Variants in PCDH11Y observed in about 807,000 individuals in gnomAD.
PCDH11Y encodes the protein protocadherin 11 Y-linked.
For synonymous variants in PCDH11Y, 9 were observed against 83.6 expected, an observed-to-expected ratio of 0.11 and a Z score of 4.87; for missense variants, 12 against 224.8, an observed-to-expected ratio of 0.05 and a Z score of 6.05.
chrY:5,007,163 C>T (rs867904352), intron 1 of PCDH11Y, among the ~76,000 whole-genome samples: 12 of 31,446 alleles, frequency 3.8e-4, no homozygotes, highest in Admixed American at 1.8e-3. Flanking sequence ...TTTAAACTGC[C>T]CTTTTAATTG....
chrY:5,472,577 C>T (rs2053315028), intron 2 of PCDH11Y, among the ~76,000 whole-genome samples: 1 of 32,243 alleles, frequency 3.1e-5, no homozygotes, highest in Non-Finnish European at 7.7e-5. Context: ...TCCCATGCTA[C>T]GTCACTCACA....
At chrY:5,257,336 C>T (rs2053012469) in intron 2 of PCDH11Y, among the ~76,000 whole-genome samples, 18 of 33,455 alleles carry the variant, frequency 5.4e-4, no homozygotes, top group African/African-American at 9.3e-4. Flanking sequence ...CTATGATGTA[C>T]CACATCAATT....
intron 4 of PCDH11Y, among the ~76,000 whole-genome samples, chrY:5,594,864 G>A: frequency 6.0e-5 from 2 of 33,258 alleles, no homozygotes; most frequent in African/African-American, 2.3e-4. Flanking sequence ...GTCAAGCCTC[G>A]GGGGTGAGAG....
intron 2 of PCDH11Y, among the ~76,000 whole-genome samples, chrY:5,322,453 A>G (rs2053114204): frequency 3.1e-5 from 1 of 32,280 alleles, no homozygotes; most frequent in Non-Finnish European, 7.5e-5. Flanking sequence ...ACCTAATACA[A>G]TGTAAATGCT....
At chrY:5,329,661 G>A in intron 2 of PCDH11Y, among the ~76,000 whole-genome samples, 3 of 32,802 alleles carry the variant, frequency 9.1e-5, no homozygotes, top group South Asian at 7.1e-4. Flanking sequence ...CGTGACCGGC[G>A]CCGGAGTTTT....
intron 3 of PCDH11Y, among the ~76,000 whole-genome samples, chrY:5,575,363 A>T: frequency 3.1e-5 from 1 of 32,529 alleles, no homozygotes. Context: ...TAATAAATAG[A>T]CAAGAGATTG....
chrY:5,726,134 T>A (rs1387672709), intron 4 of PCDH11Y, among the ~76,000 whole-genome samples: 2 of 31,920 alleles, frequency 6.3e-5, no homozygotes, highest in African/African-American at 1.2e-4. Context: ...GGAAAACAAT[T>A]TGGCAGTTCC....
At chrY:5,091,249 C>T in intron 1 of PCDH11Y, among the ~76,000 whole-genome samples, 1 of 33,071 alleles carries the variant, frequency 3.0e-5, no homozygotes, top group Non-Finnish European at 7.5e-5. Context: ...GAATCTGAAG[C>T]GAGACAGAGA....
chrY:5,621,932 G>T, intron 4 of PCDH11Y, among the ~76,000 whole-genome samples: 1 of 33,170 alleles, frequency 3.0e-5, no homozygotes, highest in Non-Finnish European at 7.4e-5. Context: ...ACTATAAAAA[G>T]CCTAGAAGAA....
At chrY:5,108,701 G>C (rs1602869022), downstream of PCDH11Y, among the ~76,000 whole-genome samples, 10 of 24,336 alleles carry the variant, frequency 4.1e-4, no homozygotes, top group East Asian at 2.0e-3. Context: ...GAGCCGAGAT[G>C]GCGCCACTGC....
Position 5,656,440 on chromosome Y carries a change from A to AT in PCDH11Y, c.3352+74655dup, listed in dbSNP as rs1219341715. ...TAACTTCACGTGATCCCGTTTGTCC[A>AT]TTTTTTTTTTTTTGCTTCATTTCCT... On this transcript the variant is annotated intron_variant, in intron 4 of 4. Transcript: ENST00000400457. Among the ~76,000 whole-genome samples, 184 of 24,183 alleles carry AT rather than the reference A, an allele frequency of 7.6e-3. No individual in the cohort carries two copies. The Middle Eastern group carries it at 0.18, about 24-fold the overall frequency. The allele number at this position is 24,183 out of a possible 37,273, so 64.9% of individuals were successfully genotyped here. A position where few individuals can be genotyped will look rare whatever the true frequency, so the allele number is the denominator to read the frequency against.
chrY:5,014,799 C>A, intron 1 of PCDH11Y, among the ~76,000 whole-genome samples: 1 of 32,592 alleles, frequency 3.1e-5, no homozygotes, highest in African/African-American at 1.2e-4. Context: ...TGGTAGGTTT[C>A]AAGTTTCTAA....
intron 3 of PCDH11Y, among the ~76,000 whole-genome samples, chrY:5,527,131 C>T: frequency 6.1e-5 from 2 of 32,765 alleles, no homozygotes; most frequent in Admixed American, 2.8e-4. Context: ...GTGCATCCTC[C>T]GTAGACTGTC....
At chrY:5,260,793 G>A in intron 2 of PCDH11Y, among the ~76,000 whole-genome samples, 1 of 31,702 alleles carries the variant, frequency 3.2e-5, no homozygotes, top group Non-Finnish European at 7.6e-5. Context: ...GTATTGAGGA[G>A]TTAGGTGTTT....
At chrY:5,245,398 G>T in intron 2 of PCDH11Y, among the ~76,000 whole-genome samples, 1 of 32,546 alleles carries the variant, frequency 3.1e-5, no homozygotes, top group Non-Finnish European at 7.5e-5. Context: ...CCAGAGGGAG[G>T]AGCATGCACC....
intron 2 of PCDH11Y, among the ~76,000 whole-genome samples, chrY:5,138,517 GA>G (rs2052843867): frequency 3.0e-5 from 1 of 33,448 alleles, no homozygotes; most frequent in South Asian, 6.5e-4. Flanking sequence ...GATTAACCAA[GA>G]AAAGAATAGA....
intron 2 of PCDH11Y, among the ~76,000 whole-genome samples, chrY:5,125,990 G>A: frequency 6.0e-5 from 2 of 33,063 alleles, no homozygotes; most frequent in Admixed American, 5.7e-4. Context: ...GAATGAGATG[G>A]TGGAGGGGAT....
At chrY:5,504,917 AAT>A (rs2053357660) in intron 3 of PCDH11Y, among the ~76,000 whole-genome samples, 1 of 33,217 alleles carries the variant, frequency 3.0e-5, no homozygotes, top group African/African-American at 1.2e-4. Context: ...CTGTTTTTAT[AAT>A]TCAGACTGAG....
At chrY:5,014,046 T>A in intron 1 of PCDH11Y, among the ~76,000 whole-genome samples, 1 of 26,740 alleles carries the variant, frequency 3.7e-5, no homozygotes. Flanking sequence ...AATAATTACA[T>A]TATCACTTTT....
Sources: allele counts gnomAD v4.1 joint callset (sites outside exome capture counted in the v4.1 genomes callset), GRCh38; gene constraint gnomAD v4.1.1; transcripts MANE v1.5; gene names NCBI Gene and HGNC (gene_info 2026-07-23, HGNC 2026-07-21).